Variants in C8B observed in about 807,000 individuals in gnomAD.
C8B encodes complement C8 beta chain.
Under a neutral mutation model 64.6 loss-of-function variants are expected in C8B, and 67 were observed. That is an observed-to-expected ratio of 1.04 (90% CI 0.85 to 1.27). C8B has a LOEUF of 1.27. Ranked by LOEUF, C8B falls within the 50% of genes most tolerant of loss-of-function variation. C8B has a pLI of 0.00. For missense variants in C8B, 790 were observed against 725.2 expected, an observed-to-expected ratio of 1.09 and a Z score of -1.03; for synonymous variants, 284 against 257.7, an observed-to-expected ratio of 1.10 and a Z score of -0.98.
chr1:56,963,773 T>G (rs1645212749), intron 1 of C8B: 2 of 716,110 alleles, frequency 2.8e-6, no homozygotes, highest in Non-Finnish European at 3.4e-6. Flanking sequence ...AGCACTTACC[T>G]GGAATAGCTG....
At chr1:56,938,760 T>C (rs1644808435) in intron 9 of C8B, among the ~76,000 whole-genome samples, 1 of 152,216 alleles carries the variant, frequency 6.6e-6, no homozygotes, top group Admixed American at 6.5e-5. Flanking sequence ...AACTATTGCA[T>C]CTAGAAATTG....
Position 56,931,894 on chromosome 1 carries a change from A to G in C8B, c.1553-16T>C. ...CAGCGTGATCCTGAGAAGACAAGGC[A>G]GAGAAAGTGTGAATCATGCCAGGTG... On this transcript the variant is annotated splice_polypyrimidine_tract_variant and intron_variant, in intron 10 of 11. Coordinates refer to ENST00000371237, the MANE Select transcript of C8B (RefSeq NM_000066.4). The G allele has an allele frequency of 1.9e-6, 3 of 1,605,248 alleles. No homozygotes were observed. Among genetic ancestry groups the G allele is most frequent in the Non-Finnish European group, 1.7e-6 (2 of 1,173,058 alleles).
chr1:56,965,207 T>C (rs1379603612), intron 1 of C8B, among the ~76,000 whole-genome samples: 2 of 152,198 alleles, frequency 1.3e-5, no homozygotes, highest in Non-Finnish European at 2.9e-5. Context: ...GGGTTTCTCA[T>C]GCACACGGAG....
At chr1:56,931,708 G>T in intron 11 of C8B, 102 bp downstream of exon 11, 1 of 758,334 alleles carries the variant, frequency 1.3e-6, no homozygotes, top group East Asian at 2.7e-5. Flanking sequence ...ATGGATCTCA[G>T]GTTTCCTAGT....
At position 56,954,696 on chromosome 1, in the gene C8B, G is replaced by C. The variant is rs377140731; in HGVS notation, c.523C>G (p.Leu175Val). 42 of 1,614,018 alleles carry C rather than the reference G, an allele frequency of 2.6e-5. No individual in the cohort carries two copies. Among genetic ancestry groups the C allele is most frequent in the Admixed American group, 2.5e-4 (15 of 60,002 alleles). Residue 175 changes from leucine to valine, a missense_variant, in exon 4 of 12, where the codon CTG (leucine) becomes GTG (valine). Coordinates refer to ENST00000371237, the MANE Select transcript of C8B (RefSeq NM_000066.4). ...EMDQYWGIGSLASGINLFTNS... is the reference protein window; with the variant it reads ...EMDQYWGIGSVASGINLFTNS... ...AAAATGGTCACTTACCCACTGGCCA[G>C]ACTGCCAATTCCCCAGTATTGGTCC...
At chr1:56,952,021 C>T in intron 5 of C8B, 27 bp downstream of exon 5, 1 of 1,613,134 alleles carries the variant, frequency 6.2e-7, no homozygotes, top group Non-Finnish European at 8.5e-7. Flanking sequence ...CTGGGGCTCC[C>T]TCCACTGCTA....
chr1:56,949,903 C>A (rs1329628014), intron 5 of C8B, 151 bp from the exon 6 acceptor site: 3 of 661,666 alleles, frequency 4.5e-6, no homozygotes, highest in African/African-American at 1.8e-5. Context: ...TGTGTCCCCA[C>A]CTCAGGGCTC....
At chr1:56,936,965 C>T (rs1466139545) in intron 9 of C8B, among the ~76,000 whole-genome samples, 5 of 152,162 alleles carry the variant, frequency 3.3e-5, no homozygotes, top group Non-Finnish European at 5.9e-5. Flanking sequence ...CATTGTCTTT[C>T]CAGGCATATG....
intron 8 of C8B, among the ~76,000 whole-genome samples, 196 bp from the exon 9 acceptor site, chr1:56,941,208 T>C (rs992385063): frequency 7.9e-5 from 12 of 152,130 alleles, no homozygotes; most frequent in Non-Finnish European, 1.6e-4. Context: ...CCATAGGCTA[T>C]ACAAATTGAG....
chr1:56,959,953 C>T (rs1188642770), intron 2 of C8B, 67 bp downstream of exon 2: 2 of 1,584,830 alleles, frequency 1.3e-6, no homozygotes, highest in South Asian at 1.1e-5. Context: ...TTAGCAATGG[C>T]TCAGCCGATC....
chr1:56,939,422 A>T (rs562455050), intron 9 of C8B, among the ~76,000 whole-genome samples: 59 of 152,336 alleles, frequency 3.9e-4, no homozygotes, highest in African/African-American at 1.4e-3. Context: ...TTTGTCATGC[A>T]AATAAAGAAA....
rs780927606 is a variant in C8B, at chr1:56,945,869, T to C, written c.1057A>G (p.Ile353Val). 1.2e-6 allele frequency: 2 copies of C among 1,614,142 alleles called. No individual in the cohort carries two copies. Among genetic ancestry groups the C allele is most frequent in the Admixed American group, 3.3e-5 (2 of 60,024 alleles). ...HYITEAVLGG[I>V]YEYTLVMNKE... Reference sequence around the variant, plus strand: ...TTCATAACGAGGGTGTATTCATAAATGCCCCCAAGCACAGCCTCTGTGATG... The same window carrying C: ...TTCATAACGAGGGTGTATTCATAAACGCCCCCAAGCACAGCCTCTGTGATG... Residue 353 changes from isoleucine (I) to valine (V), a missense_variant, in exon 7 of 12, where the codon ATT becomes GTT. Physicochemically the swap from Ile to Val is conservative, Grantham distance 29. Coordinates refer to ENST00000371237, the MANE Select transcript of C8B (RefSeq NM_000066.4).
In C8B at chr1:56,949,551, T is replaced by G. The variant is rs777354169; in HGVS notation, c.864+4A>C. The G allele has an allele frequency of 1.9e-6, 3 of 1,612,370 alleles. No individual in the cohort carries two copies. Among genetic ancestry groups the G allele is most frequent in the Non-Finnish European group, 2.5e-6 (3 of 1,178,494 alleles). On this transcript the variant is annotated splice_donor_region_variant and intron_variant, in intron 6 of 11. Transcript: ENST00000371237. ...ACGTTTAAAAGCAACAAAGACATACTTACAGTATGAGAGAATCGTTTGGTT... is the reference window on the plus strand; with the variant it reads ...ACGTTTAAAAGCAACAAAGACATACGTACAGTATGAGAGAATCGTTTGGTT...
chr1:56,943,123 G>A (rs1644889338), intron 8 of C8B, among the ~76,000 whole-genome samples: 2 of 151,878 alleles, frequency 1.3e-5, no homozygotes, highest in South Asian at 2.1e-4. Flanking sequence ...AGCTGGGGGA[G>A]GGGAGGAGTC....
At chr1:56,964,630 G>A (rs1645226332) in intron 1 of C8B, among the ~76,000 whole-genome samples, 1 of 152,168 alleles carries the variant, frequency 6.6e-6, no homozygotes, top group South Asian at 2.1e-4. Flanking sequence ...CCTATGCCCT[G>A]TAGAGCTGAT....
chr1:56,964,613 T>C (rs1313127848), intron 1 of C8B, among the ~76,000 whole-genome samples: 1 of 152,246 alleles, frequency 6.6e-6, no homozygotes, highest in Non-Finnish European at 1.5e-5. Flanking sequence ...TAGAAGCCTT[T>C]CCAGGCCCTA....
chr1:56,953,053 G>A (rs78415143), intron 4 of C8B, among the ~76,000 whole-genome samples: 5,617 of 152,246 alleles, frequency 0.037, 131 homozygotes, highest in South Asian at 0.063. Context: ...ACAGCAGTGG[G>A]TAGCTACGTG....
intron 6 of C8B, among the ~76,000 whole-genome samples, chr1:56,947,947 AAAACAAAAC>A (rs1411271166): frequency 1.2e-5 from 1 of 85,904 alleles, no homozygotes; most frequent in Non-Finnish European, 2.5e-5. Flanking sequence ...AAAACAAAAC[AAAACAAAAC>A]AAACAAACAA....
rs554894527 is a variant in C8B at position 56,956,662 on chromosome 1, T to G, written c.391+107A>C. 52 of 1,233,646 alleles carry G rather than the reference T, an allele frequency of 4.2e-5. No individual in the cohort carries two copies. In the South Asian group the frequency reaches 6.1e-4, roughly 15 times the overall value. 76.4% of individuals were successfully genotyped at this position (1,233,646 alleles called of 1,614,324 possible). ...TTTAGGACAAGGAGGCCTCCTGAGCTGCCCCATGACCCTGATCTTGAGCAC... is the reference window on the plus strand; with the variant it reads ...TTTAGGACAAGGAGGCCTCCTGAGCGGCCCCATGACCCTGATCTTGAGCAC... On this transcript the variant is annotated intron_variant, in intron 3 of 11. Coordinates refer to ENST00000371237, the MANE Select transcript of C8B (RefSeq NM_000066.4).
Sources: gnomAD v4.1 joint callset for allele counts (sites outside exome capture counted in the v4.1 genomes callset) on GRCh38, gnomAD v4.1.1 for gene constraint, MANE v1.5 for transcripts, NCBI Gene and HGNC (gene_info 2026-07-23, HGNC 2026-07-21) for gene names.